The following RORB variants were observed in gnomAD, a reference collection of about 807,000 sequenced individuals.
RORB encodes the protein RAR related orphan receptor B.
A neutral mutation model predicts 59.1 loss-of-function variants in RORB; 6 were observed. The ratio of observed to expected loss-of-function variants is 0.10; its 90% CI spans 0.06 to 0.20. The LOEUF (loss-of-function observed/expected upper bound fraction) is 0.20, where lower values mean the gene tolerates loss of function less well. Ranked by LOEUF, RORB falls within the 10% of genes least tolerant of loss-of-function variation. The pLI, the probability that RORB is intolerant of heterozygous loss-of-function variation, is 1.00. For missense variants in RORB, 320 were observed against 560.5 expected (o/e 0.57, Z 4.33); for synonymous variants, 215 against 204.5 (o/e 1.05, Z -0.44).
chr9:74,582,301 C>T (rs1822736841), intron 1 of RORB, among the ~76,000 whole-genome samples: 1 of 152,064 alleles, frequency 6.6e-6, no homozygotes, highest in Admixed American at 6.5e-5. Context: ...CTACCTTTCT[C>T]GATTATGAAT....
intron 1 of RORB, among the ~76,000 whole-genome samples, chr9:74,524,905 T>C (rs1446965246): frequency 6.6e-6 from 1 of 151,854 alleles, no homozygotes; most frequent in Non-Finnish European, 1.5e-5. Flanking sequence ...ATTTCAATAT[T>C]CTAATAATCT....
chr9:74,639,230 G>T (rs1339308136), intron 3 of RORB, among the ~76,000 whole-genome samples: 1 of 152,200 alleles, frequency 6.6e-6, no homozygotes, highest in East Asian at 1.9e-4. Flanking sequence ...GATAGCTCAG[G>T]CATGTCCTTG....
chr9:74,666,377 C>T (rs1824264802), intron 7 of RORB, among the ~76,000 whole-genome samples: 2 of 151,930 alleles, frequency 1.3e-5, no homozygotes, highest in African/African-American at 4.8e-5. Flanking sequence ...AGGAAGATTG[C>T]TTGACCCTGG....
intron 1 of RORB, among the ~76,000 whole-genome samples, chr9:74,617,479 T>C (rs932162341): frequency 6.6e-6 from 1 of 152,212 alleles, no homozygotes; most frequent in African/African-American, 2.4e-5. Context: ...CGAATAAAGC[T>C]GTTAGGGATT....
intron 1 of RORB, among the ~76,000 whole-genome samples, chr9:74,512,811 A>C (rs1234827304): frequency 1.3e-5 from 2 of 152,074 alleles, no homozygotes; most frequent in African/African-American, 4.8e-5. Context: ...CCCCCTTTAC[A>C]ATAATCTCAT....
intron 1 of RORB, among the ~76,000 whole-genome samples, chr9:74,545,014 G>A (rs1196775401): frequency 2.6e-5 from 4 of 152,210 alleles, no homozygotes; most frequent in African/African-American, 7.2e-5. Flanking sequence ...GCTTGAATAT[G>A]GGGATGTATT....
At chr9:74,672,978 C>T (rs1824373205) in intron 9 of RORB, among the ~76,000 whole-genome samples, 1 of 152,148 alleles carries the variant, frequency 6.6e-6, no homozygotes. Flanking sequence ...CAGAGTACTG[C>T]TATAAAAAAC....
intron 1 of RORB, among the ~76,000 whole-genome samples, chr9:74,549,547 GGGAAGGAAGGAAGGAA>G (rs1202590523): frequency 0.022 from 583 of 26,602 alleles, 5 homozygotes; most frequent in African/African-American, 0.026. Context: ...GAGGGAGGGA[GGGAAGGAAGGAAGGAA>G]GGAAGGAAGG....
intron 9 of RORB, among the ~76,000 whole-genome samples, chr9:74,680,678 A>G (rs1283019271): frequency 6.6e-6 from 1 of 152,248 alleles, no homozygotes; most frequent in Non-Finnish European, 1.5e-5. Flanking sequence ...AAAAAAAGAA[A>G]AAAAGAAAAG....
chr9:74,590,381 T>C (rs1177782693), intron 1 of RORB, among the ~76,000 whole-genome samples: 2 of 152,346 alleles, frequency 1.3e-5, no homozygotes, highest in Non-Finnish European at 1.5e-5. Flanking sequence ...TTATTACTTA[T>C]ATAATCATCT....
intron 4 of RORB, among the ~76,000 whole-genome samples, chr9:74,644,627 T>C (rs1470657017): frequency 6.6e-6 from 1 of 152,146 alleles, no homozygotes; most frequent in Non-Finnish European, 1.5e-5. Flanking sequence ...GGACGGTCAT[T>C]TAAAATAGTC....
chr9:74,561,992 C>A (rs59650096), intron 1 of RORB, among the ~76,000 whole-genome samples: 1 of 152,254 alleles, frequency 6.6e-6, no homozygotes, highest in East Asian at 1.9e-4. Context: ...GATTGTTTAT[C>A]TGCATTTTTG....
Position 74,667,781 on chromosome 9 carries a change from T to G in RORB, c.1001-10T>G. 1 of 1,560,890 alleles carries G rather than the reference T, an allele frequency of 6.4e-7. No homozygotes were observed. The highest frequency in any genetic ancestry group is 1.1e-5 in the South Asian group (1 of 89,942). On this transcript the variant is annotated splice_polypyrimidine_tract_variant and intron_variant, in intron 7 of 9. Transcript: ENST00000376896. ...AGTATTTTTATTCCATTTTTCTTCT[T>G]CCTTTATAGGTTCTGATGACCTAGT...
intron 1 of RORB, among the ~76,000 whole-genome samples, chr9:74,622,323 G>A (rs1823435025): frequency 2.0e-5 from 3 of 152,078 alleles, no homozygotes; most frequent in African/African-American, 7.2e-5. Context: ...TTCATAACTG[G>A]ATAAAATGAG....
chr9:74,635,948 A>G (rs1390356623), intron 3 of RORB, among the ~76,000 whole-genome samples: 1 of 118,286 alleles, frequency 8.5e-6, no homozygotes, highest in Non-Finnish European at 1.8e-5. Context: ...CTATAAAACA[A>G]ATTTGACCAA....
Position 74,634,790 on chromosome 9 carries a change from T to C in RORB, c.235+18T>C. 1 of 1,605,314 alleles carries C rather than the reference T, an allele frequency of 6.2e-7. No individual in the cohort carries two copies. Among genetic ancestry groups the C allele is most frequent in the Non-Finnish European group, 8.5e-7 (1 of 1,176,124 alleles). On this transcript the variant is annotated intron_variant, in intron 3 of 9. Coordinates refer to ENST00000376896, the MANE Select transcript of RORB (RefSeq NM_006914.4). Reference sequence around the variant, plus strand: ...AAGAGATGGTAAGACATTACCTTCCTGTTTCTTACTTAAGCCCTTTCAAAT... The same window carrying C: ...AAGAGATGGTAAGACATTACCTTCCCGTTTCTTACTTAAGCCCTTTCAAAT...
chr9:74,636,866 G>A (rs1054144621), intron 3 of RORB, among the ~76,000 whole-genome samples: 1 of 152,134 alleles, frequency 6.6e-6, no homozygotes, highest in African/African-American at 2.4e-5. Context: ...ATATCATACA[G>A]AGAAAGTTTG....
chr9:74,679,974 G>A (rs142353522), intron 9 of RORB, among the ~76,000 whole-genome samples: 23 of 152,098 alleles, frequency 1.5e-4, no homozygotes, highest in East Asian at 9.7e-4. Flanking sequence ...ATGGTGGTGC[G>A]CATCTGTAGT....
chr9:74,569,555 C>T (rs1441780845), intron 1 of RORB, among the ~76,000 whole-genome samples: 2 of 151,854 alleles, frequency 1.3e-5, no homozygotes, highest in Non-Finnish European at 2.9e-5. Context: ...ATTTATAAAT[C>T]GATGTGTTGC....
Sources: gnomAD v4.1 joint callset for allele counts (sites outside exome capture counted in the v4.1 genomes callset) on GRCh38, gnomAD v4.1.1 for gene constraint, MANE v1.5 for transcripts, NCBI Gene and HGNC (gene_info 2026-07-23, HGNC 2026-07-21) for gene names.